Variants in PBX3 observed in about 807,000 individuals in gnomAD.
The protein encoded by PBX3 is pre-B-cell leukemia transcription factor 3.
Under a neutral mutation model 48.5 loss-of-function variants are expected in PBX3, and 14 were observed. The observed-to-expected ratio is 0.29, with a 90% CI of 0.19 to 0.45. The LOEUF (loss-of-function observed/expected upper bound fraction) is 0.45, where lower values mean the gene tolerates loss of function less well. Among genes scored for constraint, PBX3 ranks in the 20% least tolerant of loss-of-function variants. The pLI is 1.00. For synonymous variants in PBX3, 210 were observed against 200.3 expected, an observed-to-expected ratio of 1.05 and a Z score of -0.41; for missense variants, 386 against 546.7, an observed-to-expected ratio of 0.71 and a Z score of 2.93.
At chr9:125,885,158 T>C (rs778836868) in intron 2 of PBX3, among the ~76,000 whole-genome samples, 1 of 152,132 alleles carries the variant, frequency 6.6e-6, no homozygotes, top group Non-Finnish European at 1.5e-5. Flanking sequence ...AAAGGATGCA[T>C]TTGTCAGATA....
intron 2 of PBX3, 36 bp from the exon 3 acceptor site, chr9:125,915,650 T>G (rs138144415): frequency 4.6e-6 from 7 of 1,537,870 alleles, no homozygotes; most frequent in East Asian, 4.5e-5. Flanking sequence ...GTTTCTCGCT[T>G]CTTCTCTCTC....
At chr9:125,963,683 G>T (rs930087217) in intron 8 of PBX3, among the ~76,000 whole-genome samples, 2 of 152,292 alleles carry the variant, frequency 1.3e-5, no homozygotes, top group East Asian at 3.9e-4. Flanking sequence ...TGGAAAAGGG[G>T]GAAGGGGGCA....
At chr9:125,854,073 G>A (rs1177987344) in intron 2 of PBX3, among the ~76,000 whole-genome samples, 2 of 152,046 alleles carry the variant, frequency 1.3e-5, no homozygotes, top group African/African-American at 2.4e-5. Flanking sequence ...TCTCTGGAGA[G>A]CACCAAGCTT....
In PBX3 at chr9:125,896,134, C is replaced by T. The variant is rs551025879; in HGVS notation, c.275-19552C>T. Among the ~76,000 whole-genome samples, 4 of 152,128 alleles carry T rather than the reference C, an allele frequency of 2.6e-5. No individual in the cohort carries two copies. The South Asian group carries it at 8.3e-4, about 32-fold the overall frequency. Reference sequence around the variant, plus strand: ...AAAAATGTTCTTATTTCCTTCTCCACTGGCTGATGAAATGGGTTAATCTCT... The same window carrying T: ...AAAAATGTTCTTATTTCCTTCTCCATTGGCTGATGAAATGGGTTAATCTCT... On this transcript the variant is annotated intron_variant, in intron 2 of 8. Coordinates refer to ENST00000373489, the MANE Select transcript of PBX3 (RefSeq NM_006195.6).
chr9:125,922,685 C>A (rs1177812543), intron 3 of PBX3, among the ~76,000 whole-genome samples: 1 of 151,922 alleles, frequency 6.6e-6, no homozygotes, highest in Admixed American at 6.6e-5. Context: ...GTTGGGTGGC[C>A]CTTCCAAACA....
intron 5 of PBX3, among the ~76,000 whole-genome samples, chr9:125,950,042 A>T (rs1842159381): frequency 6.6e-6 from 1 of 151,396 alleles, no homozygotes; most frequent in African/African-American, 2.4e-5. Flanking sequence ...TACCTACCAC[A>T]TTTTTTTTTC....
intron 2 of PBX3, among the ~76,000 whole-genome samples, chr9:125,785,576 G>A (rs1837436896): frequency 6.6e-6 from 1 of 152,146 alleles, no homozygotes; most frequent in Admixed American, 6.5e-5. Context: ...GAGGCTTTTT[G>A]ACTTGGACTA....
intron 2 of PBX3, among the ~76,000 whole-genome samples, chr9:125,875,890 T>A (rs1422634904): frequency 1.3e-5 from 2 of 152,216 alleles, no homozygotes; most frequent in African/African-American, 4.8e-5. Context: ...AGAAGATGCA[T>A]GCTTATAGGA....
intron 2 of PBX3, among the ~76,000 whole-genome samples, chr9:125,816,651 T>A (rs370246820): frequency 1.3e-5 from 2 of 152,320 alleles, no homozygotes; most frequent in African/African-American, 4.8e-5. Context: ...TGCTCGAATC[T>A]TCCAACTCAG....
At chr9:125,749,174 C>T (rs1202590950) in intron 2 of PBX3, 5 of 152,938 alleles carry the variant, frequency 3.3e-5, no homozygotes, top group African/African-American at 1.2e-4. Context: ...TGTATTACAT[C>T]TGTTAATACT....
chr9:125,767,227 G>A (rs904887551), intron 2 of PBX3, among the ~76,000 whole-genome samples: 3 of 152,148 alleles, frequency 2.0e-5, no homozygotes, highest in Non-Finnish European at 4.4e-5. Flanking sequence ...GCAGGTGACC[G>A]GTGAATTTGG....
intron 2 of PBX3, among the ~76,000 whole-genome samples, chr9:125,780,753 GGCGGCT>G (rs1837262715): frequency 7.6e-6 from 1 of 131,692 alleles, no homozygotes; most frequent in African/African-American, 2.8e-5. Context: ...TCCCGGACAG[GGCGGCT>G]GGCCGGGCGG....
chr9:125,951,769 C>G (rs1240319600), intron 5 of PBX3, among the ~76,000 whole-genome samples: 3 of 152,108 alleles, frequency 2.0e-5, no homozygotes, highest in Non-Finnish European at 4.4e-5. Flanking sequence ...AATTGCAGAG[C>G]CAAGATTTAC....
At chr9:125,848,218 A>T (rs1839479496) in intron 2 of PBX3, among the ~76,000 whole-genome samples, 1 of 152,074 alleles carries the variant, frequency 6.6e-6, no homozygotes. Context: ...TATCTCATGA[A>T]CAATGATCAG....
chr9:125,753,689 T>C (rs1432820850), intron 2 of PBX3, among the ~76,000 whole-genome samples: 1 of 152,092 alleles, frequency 6.6e-6, no homozygotes, highest in African/African-American at 2.4e-5. Flanking sequence ...GACTTTACTA[T>C]GTTATTTTAT....
chr9:125,808,631 A>C (rs539077597), intron 2 of PBX3, among the ~76,000 whole-genome samples: 1 of 152,284 alleles, frequency 6.6e-6, no homozygotes, highest in East Asian at 1.9e-4. Flanking sequence ...ATGCTACTGC[A>C]CTCCAGCCTG....
chr9:125,949,292 C>T, intron 5 of PBX3: 1 of 1,513,636 alleles, frequency 6.6e-7, no homozygotes, highest in South Asian at 1.2e-5. Context: ...ATGAAGAGTG[C>T]CTAGTACAGG....
At chr9:125,867,258 G>C (rs10986994) in intron 2 of PBX3, among the ~76,000 whole-genome samples, 1 of 151,812 alleles carries the variant, frequency 6.6e-6, no homozygotes, top group Admixed American at 6.6e-5. Context: ...TTGAATAAAA[G>C]AATAGAAGCC....
At chr9:125,892,588 T>C (rs551159277) in intron 2 of PBX3, among the ~76,000 whole-genome samples, 1 of 152,326 alleles carries the variant, frequency 6.6e-6, no homozygotes, top group East Asian at 1.9e-4. Context: ...CCCTGTGTTT[T>C]ATTACAAAGT....
Sources: allele counts gnomAD v4.1 joint callset (sites outside exome capture counted in the v4.1 genomes callset), GRCh38; gene constraint gnomAD v4.1.1; transcripts MANE v1.5; gene names NCBI Gene and HGNC (gene_info 2026-07-23, HGNC 2026-07-21).